PDSS2: variants seen among roughly 807,000 people sequenced by gnomAD.
PDSS2 encodes the protein all trans-polyprenyl-diphosphate synthase PDSS2.
PDSS2 carries 31 observed loss-of-function variants against 44.5 expected under a neutral mutation model. The observed-to-expected ratio is 0.70, with a 90% CI of 0.52 to 0.94. The LOEUF is 0.94. Ranked by LOEUF, PDSS2 falls within the 40% of genes least tolerant of loss-of-function variation. PDSS2 has a pLI of 0.00. For missense variants in PDSS2, 452 were observed against 482.2 expected, an observed-to-expected ratio of 0.94 and a Z score of 0.59; for synonymous variants, 157 against 180.3, an observed-to-expected ratio of 0.87 and a Z score of 1.03.
At chr6:107,222,130 C>T (rs1773627799) in intron 4 of PDSS2, among the ~76,000 whole-genome samples, 1 of 151,970 alleles carries the variant, frequency 6.6e-6, no homozygotes, top group African/African-American at 2.4e-5. Flanking sequence ...TTGAATTAGC[C>T]TTTTCAATTA....
intron 1 of PDSS2, among the ~76,000 whole-genome samples, chr6:107,370,396 G>T (rs907075161): frequency 1.3e-5 from 2 of 152,116 alleles, no homozygotes; most frequent in African/African-American, 2.4e-5. Flanking sequence ...AAGAAAAAAA[G>T]AACATGCAAC....
At chr6:107,325,425 A>G (rs1350605274) in intron 2 of PDSS2, among the ~76,000 whole-genome samples, 1 of 152,210 alleles carries the variant, frequency 6.6e-6, no homozygotes, top group Non-Finnish European at 1.5e-5. Flanking sequence ...ACCTTAATCA[A>G]TTGAATACAC....
chr6:107,364,652 G>A (rs962911796), intron 1 of PDSS2, among the ~76,000 whole-genome samples: 12 of 152,308 alleles, frequency 7.9e-5, no homozygotes, highest in Admixed American at 7.2e-4. Flanking sequence ...CAAGCTGAGG[G>A]AGTGGGCTCC....
chr6:107,375,667 G>C (rs559261074), intron 1 of PDSS2, among the ~76,000 whole-genome samples: 77 of 152,264 alleles, frequency 5.1e-4, no homozygotes, highest in Non-Finnish European at 7.8e-4. Context: ...TATGAGGCCA[G>C]CATTACCTTG....
intron 5 of PDSS2, among the ~76,000 whole-genome samples, chr6:107,211,690 G>A (rs1304817788): frequency 2.8e-5 from 4 of 143,338 alleles, no homozygotes; most frequent in South Asian, 2.2e-4. Flanking sequence ...AGCTGAGATT[G>A]CACCACTGCA....
chr6:107,424,603 G>A (rs1780931188), intron 1 of PDSS2, among the ~76,000 whole-genome samples: 1 of 152,018 alleles, frequency 6.6e-6, no homozygotes, highest in Non-Finnish European at 1.5e-5. Flanking sequence ...ACAAAGGAGA[G>A]GCTGAAGATA....
intron 3 of PDSS2, among the ~76,000 whole-genome samples, chr6:107,252,758 C>T (rs1455892986): frequency 6.6e-6 from 1 of 152,102 alleles, no homozygotes; most frequent in Admixed American, 6.6e-5. Context: ...GTGAGATACC[C>T]ATCTCAACAA....
intron 1 of PDSS2, among the ~76,000 whole-genome samples, chr6:107,401,901 T>C (rs1780115936): frequency 6.6e-6 from 1 of 152,002 alleles, no homozygotes; most frequent in South Asian, 2.1e-4. Context: ...TTCAAGCACT[T>C]TGGGAGGCCA....
At chr6:107,213,486 C>T (rs937253203) in intron 4 of PDSS2, among the ~76,000 whole-genome samples, 8 of 151,828 alleles carry the variant, frequency 5.3e-5, no homozygotes, top group African/African-American at 1.7e-4. Flanking sequence ...GAAGGGTGGG[C>T]ATGGTGGCTC....
chr6:107,422,989 G>A (rs1243419333), intron 1 of PDSS2, among the ~76,000 whole-genome samples: 1 of 151,982 alleles, frequency 6.6e-6, no homozygotes, highest in Admixed American at 6.5e-5. Context: ...TACCCTGCCT[G>A]ATATAGTAAC....
At chr6:107,340,431 A>G (rs188614326) in intron 1 of PDSS2, among the ~76,000 whole-genome samples, 2 of 152,308 alleles carry the variant, frequency 1.3e-5, no homozygotes, top group East Asian at 3.9e-4. Context: ...TTCCACAGCT[A>G]CTAACAAATT....
intron 1 of PDSS2, among the ~76,000 whole-genome samples, chr6:107,353,560 T>G (rs1778497745): frequency 6.6e-6 from 1 of 152,072 alleles, no homozygotes; most frequent in South Asian, 2.1e-4. Flanking sequence ...CCAGATCTCA[T>G]GTAATTATAT....
intron 1 of PDSS2, among the ~76,000 whole-genome samples, chr6:107,335,372 T>C (rs1205366403): frequency 6.6e-6 from 1 of 152,170 alleles, no homozygotes; most frequent in Non-Finnish European, 1.5e-5. Flanking sequence ...GAAGTGATAC[T>C]ATTTGGTGAT....
chr6:107,331,044 T>C (rs998889477), intron 2 of PDSS2, among the ~76,000 whole-genome samples: 22 of 152,142 alleles, frequency 1.4e-4, no homozygotes, highest in Admixed American at 1.2e-3. Context: ...TCAAGTTTTA[T>C]GAGAGAAAAA....
intron 1 of PDSS2, among the ~76,000 whole-genome samples, chr6:107,432,164 A>G (rs1307040245): frequency 6.6e-6 from 1 of 152,230 alleles, no homozygotes; most frequent in African/African-American, 2.4e-5. Flanking sequence ...AATATCTAGC[A>G]GGAATTTAAA....
intron 4 of PDSS2, among the ~76,000 whole-genome samples, chr6:107,222,073 A>G (rs1324714097): frequency 6.6e-6 from 1 of 152,198 alleles, no homozygotes; most frequent in East Asian, 1.9e-4. Flanking sequence ...GTTGGATGAG[A>G]CACCAGATCT....
In PDSS2 at chr6:107,376,893, T is replaced by C. The variant is rs541355487; in HGVS notation, c.297-42561A>G. On this transcript the variant is annotated intron_variant, in intron 1 of 7. Transcript: ENST00000369037. ...ACCTTATACAAAAATTAATTCAAGA[T>C]GGATTAAAGACTTAAATGTTAGACC... is the stretch of plus-strand genomic sequence containing the variant. 1.7e-3 allele frequency among the ~76,000 whole-genome samples: 257 copies of C among 152,178 alleles called. 1 individual carries two copies. In the Middle Eastern group the frequency reaches 0.024, roughly 14 times the overall value.
At chr6:107,404,449 C>T (rs1000347054) in intron 1 of PDSS2, among the ~76,000 whole-genome samples, 1 of 152,128 alleles carries the variant, frequency 6.6e-6, no homozygotes, top group African/African-American at 2.4e-5. Context: ...TGTATTAGTC[C>T]GTTCTCCCAC....
chr6:107,323,931 A>G (rs1582942080), intron 2 of PDSS2, among the ~76,000 whole-genome samples: 2 of 152,332 alleles, frequency 1.3e-5, no homozygotes, highest in Admixed American at 1.3e-4. Context: ...GCAATAAACT[A>G]ACTCAGCTGA....
Sources: gnomAD v4.1 joint callset for allele counts (sites outside exome capture counted in the v4.1 genomes callset) on GRCh38, gnomAD v4.1.1 for gene constraint, MANE v1.5 for transcripts, NCBI Gene and HGNC (gene_info 2026-07-23, HGNC 2026-07-21) for gene names.